The following SLC10A7 variants were observed in gnomAD, a reference collection of about 807,000 sequenced individuals.
SLC10A7 encodes the protein solute carrier family 10 member 7.
In SLC10A7, 29 loss-of-function variants were observed where a neutral mutation model predicts 43.2. That is an observed-to-expected ratio of 0.67 (90% CI 0.50 to 0.92). SLC10A7 has a LOEUF of 0.92. Among genes scored for constraint, SLC10A7 ranks in the 40% least tolerant of loss-of-function variants. SLC10A7 has a pLI of 0.00. For missense variants in SLC10A7, 295 were observed against 403.2 expected (o/e 0.73, Z 2.30); for synonymous variants, 152 against 144.8 (o/e 1.05, Z -0.35).
At position 146,503,826 on chromosome 4, in the gene SLC10A7, A is replaced by C. The variant is rs776244146; in HGVS notation, c.396+23T>G. 7.5e-6 allele frequency: 12 copies of C among 1,608,428 alleles called. No homozygotes were observed. In the East Asian group the frequency reaches 2.7e-4, roughly 36 times the overall value. On this transcript the variant is annotated intron_variant, in intron 4 of 11. Transcript: ENST00000335472. ...AAAGCACAGCATGCACTTATGTTTA[A>C]ATAAGGTAGCCCCATGACTCACCTC...
chr4:146,289,747 GCT>G (rs1301430053), intron 9 of SLC10A7, among the ~76,000 whole-genome samples: 3 of 100,570 alleles, frequency 3.0e-5, no homozygotes, highest in Non-Finnish European at 5.4e-5. Context: ...ATGGAGTCTT[GCT>G]CTGTCACCCA....
chr4:146,327,385 G>C (rs1280423501), intron 5 of SLC10A7, among the ~76,000 whole-genome samples: 1 of 152,182 alleles, frequency 6.6e-6, no homozygotes, highest in Non-Finnish European at 1.5e-5. Context: ...CTATGAAACA[G>C]GTTCTCATTA....
chr4:146,393,668 C>T (rs886068587), intron 5 of SLC10A7, among the ~76,000 whole-genome samples: 2 of 152,180 alleles, frequency 1.3e-5, no homozygotes, highest in African/African-American at 4.8e-5. Context: ...GAAAGAAAGG[C>T]TACCTTAAAA....
intron 7 of SLC10A7, among the ~76,000 whole-genome samples, chr4:146,305,215 C>T (rs1345703767): frequency 1.3e-5 from 2 of 150,048 alleles, no homozygotes; most frequent in Non-Finnish European, 1.5e-5. Context: ...GAAAATGTGG[C>T]ACATATACAC....
intron 5 of SLC10A7, among the ~76,000 whole-genome samples, chr4:146,384,444 A>G (rs1348966102): frequency 2.6e-5 from 4 of 152,216 alleles, no homozygotes; most frequent in African/African-American, 9.6e-5. Flanking sequence ...AAAAAGACTA[A>G]TGGGAAATGG....
chr4:146,344,992 C>T (rs1734518637), intron 5 of SLC10A7, among the ~76,000 whole-genome samples: 1 of 152,120 alleles, frequency 6.6e-6, no homozygotes, highest in African/African-American at 2.4e-5. Flanking sequence ...TTGGAGAACA[C>T]TGTTCCGGAA....
In SLC10A7 at chr4:146,256,187, T is replaced by C; in HGVS notation, c.*304A>G. The stretch of plus-strand genomic sequence containing the variant: ...TTACAGTAACTACTATAGGGTTGTA[T>C]TGCACAAAGGTGCTGCAGGGAAAGC... On this transcript the variant is annotated 3_prime_UTR_variant, in exon 12 of 12. Transcript: ENST00000335472. 1 of 405,678 alleles carries C rather than the reference T, an allele frequency of 2.5e-6. No homozygotes were observed. The highest frequency in any genetic ancestry group is 5.0e-5 in the East Asian group (1 of 19,860). 25.1% of individuals were successfully genotyped at this position (405,678 alleles called of 1,614,324 possible). A position where few individuals can be genotyped will look rare whatever the true frequency, so the allele number is the denominator to read the frequency against.
intron 5 of SLC10A7, among the ~76,000 whole-genome samples, chr4:146,345,874 T>A (rs1734587741): frequency 6.6e-6 from 1 of 152,136 alleles, no homozygotes. Context: ...TCCTAGATAC[T>A]GTTCTTGCAC....
At chr4:146,497,506 T>C (rs1192308126) in intron 4 of SLC10A7, among the ~76,000 whole-genome samples, 2 of 152,210 alleles carry the variant, frequency 1.3e-5, no homozygotes, top group Non-Finnish European at 2.9e-5. Context: ...TCTCAAAATT[T>C]TGCAAAGTTG....
At chr4:146,274,536 A>T (rs1333031379) in intron 10 of SLC10A7, among the ~76,000 whole-genome samples, 1 of 152,162 alleles carries the variant, frequency 6.6e-6, no homozygotes, top group Non-Finnish European at 1.5e-5. Flanking sequence ...AAATACTGGC[A>T]TACTTTTACA....
rs373831054 is a variant in SLC10A7, at chr4:146,354,044, C to T, written c.436-28048G>A. 1.1e-4 allele frequency among the ~76,000 whole-genome samples: 16 copies of T among 146,070 alleles called. No homozygotes were observed. The East Asian group carries it at 2.2e-3, about 20-fold the overall frequency. On this transcript the variant is annotated intron_variant, in intron 5 of 11. Transcript: ENST00000335472. Reference sequence around the variant, plus strand: ...TGTTGGAAGTTCTGGCCAGGGCAATCAGGCAGGAGAAGGAAATAAAGGGTA... The same window carrying T: ...TGTTGGAAGTTCTGGCCAGGGCAATTAGGCAGGAGAAGGAAATAAAGGGTA...
intron 1 of SLC10A7, among the ~76,000 whole-genome samples, chr4:146,520,147 C>G (rs1738485775): frequency 6.6e-6 from 1 of 152,230 alleles, no homozygotes; most frequent in South Asian, 2.1e-4. Context: ...CATACATCCT[C>G]TGTAATTTCA....
chr4:146,350,464 C>T (rs1339984956), intron 5 of SLC10A7, among the ~76,000 whole-genome samples: 5 of 140,832 alleles, frequency 3.6e-5, no homozygotes, highest in South Asian at 2.3e-4. Flanking sequence ...GAGGGGCGCC[C>T]GCCATTGCCC....
chr4:146,320,002 C>T (rs1342527033), intron 6 of SLC10A7, among the ~76,000 whole-genome samples: 2 of 151,950 alleles, frequency 1.3e-5, no homozygotes, highest in Non-Finnish European at 2.9e-5. Flanking sequence ...TCTCTGATTG[C>T]TTATTTCCTC....
At chr4:146,507,191 G>T (rs1045107358) in intron 3 of SLC10A7, among the ~76,000 whole-genome samples, 6 of 151,694 alleles carry the variant, frequency 4.0e-5, no homozygotes, top group South Asian at 2.1e-4. Context: ...TATTTTTTTT[G>T]ATCAATGGGA....
At chr4:146,491,046 A>T (rs192153155) in intron 4 of SLC10A7, among the ~76,000 whole-genome samples, 4 of 152,258 alleles carry the variant, frequency 2.6e-5, no homozygotes, top group African/African-American at 9.6e-5. Flanking sequence ...GTGTCACAAC[A>T]GAAGTACAAA....
chr4:146,308,346 C>G (rs569981240), intron 6 of SLC10A7, among the ~76,000 whole-genome samples: 76 of 152,188 alleles, frequency 5.0e-4, no homozygotes, highest in Non-Finnish European at 1.0e-3. Flanking sequence ...TCACTGTGGT[C>G]AGTATGAAGA....
chr4:146,301,398 G>A (rs1731152670), intron 7 of SLC10A7, among the ~76,000 whole-genome samples: 1 of 152,180 alleles, frequency 6.6e-6, no homozygotes, highest in Non-Finnish European at 1.5e-5. Flanking sequence ...GGTGGCACTG[G>A]AGAAGCAGGT....
chr4:146,509,791 T>C, intron 3 of SLC10A7, 122 bp downstream of exon 3: 2 of 803,884 alleles, frequency 2.5e-6, no homozygotes, highest in Non-Finnish European at 3.7e-6. Context: ...AACAAAGATG[T>C]GTTTTTACTT....
Sources: gnomAD v4.1 joint callset for allele counts (sites outside exome capture counted in the v4.1 genomes callset) on GRCh38, gnomAD v4.1.1 for gene constraint, MANE v1.5 for transcripts, NCBI Gene and HGNC (gene_info 2026-07-23, HGNC 2026-07-21) for gene names.